The following BAIAP2L1 variants were observed in gnomAD, a reference collection of about 807,000 sequenced individuals.
BAIAP2L1 encodes BAR/IMD domain containing adaptor protein 2 like 1.
In BAIAP2L1, 35 loss-of-function variants were observed where a neutral mutation model predicts 66.3. The ratio of observed to expected loss-of-function variants is 0.53; its 90% CI spans 0.40 to 0.70. The LOEUF is 0.70. Ranked by LOEUF, BAIAP2L1 falls within the 30% of genes least tolerant of loss-of-function variation. The pLI is 0.00. For missense variants in BAIAP2L1, 622 were observed against 656.9 expected, an observed-to-expected ratio of 0.95 and a Z score of 0.58; for synonymous variants, 269 against 248.7, an observed-to-expected ratio of 1.08 and a Z score of -0.77.
At chr7:98,384,156 G>GAAAAA in intron 1 of BAIAP2L1, among the ~76,000 whole-genome samples, 1 of 112,412 alleles carries the variant, frequency 8.9e-6, no homozygotes, top group Non-Finnish European at 1.7e-5. Flanking sequence ...CTCCGTCTCA[G>GAAAAA]AAAAAAAAAA....
intron 1 of BAIAP2L1, chr7:98,386,582 C>G: frequency 2.5e-6 from 4 of 1,596,584 alleles, no homozygotes; most frequent in Non-Finnish European, 3.4e-6. Flanking sequence ...TGCCAACCGC[C>G]ATGGTGCTGG....
intron 5 of BAIAP2L1, among the ~76,000 whole-genome samples, chr7:98,317,835 G>A (rs139391483): frequency 2.5e-4 from 36 of 143,696 alleles, no homozygotes; most frequent in African/African-American, 8.9e-4. Flanking sequence ...CTGTCACCCC[G>A]TAGTTCACAC....
chr7:98,359,273 CTTT>C (rs998408583), intron 2 of BAIAP2L1, among the ~76,000 whole-genome samples: 52 of 139,240 alleles, frequency 3.7e-4, no homozygotes, highest in African/African-American at 1.0e-3. Flanking sequence ...TACTTGCTGT[CTTT>C]TTTTTTTTTT....
At chr7:98,396,650 C>G (rs1262375137) in intron 1 of BAIAP2L1, among the ~76,000 whole-genome samples, 1 of 152,036 alleles carries the variant, frequency 6.6e-6, no homozygotes, top group Non-Finnish European at 1.5e-5. Context: ...CAAAAATTTG[C>G]CAGGCGTGGC....
Position 98,292,354 on chromosome 7 carries a change from G to A in BAIAP2L1, c.*1167C>T, listed in dbSNP as rs774718820. 26 of 385,996 alleles carry A rather than the reference G, an allele frequency of 6.7e-5. No homozygotes were observed. Among genetic ancestry groups the A allele is most frequent in the South Asian group, 4.4e-4 (14 of 32,166 alleles). The allele number at this position is 385,996 out of a possible 1,614,324, so 23.9% of individuals were successfully genotyped here. ...CTCCTGCCTCAGCCTCCTGAGTGGC[G>A]CCCACCACCACACCTGTCTAATTTT... On this transcript the variant is annotated 3_prime_UTR_variant, in exon 14 of 14. Coordinates refer to ENST00000005260, the MANE Select transcript of BAIAP2L1 (RefSeq NM_018842.5).
chr7:98,298,751 G>T (rs1441384766), intron 12 of BAIAP2L1, among the ~76,000 whole-genome samples: 1 of 152,186 alleles, frequency 6.6e-6, no homozygotes, highest in Non-Finnish European at 1.5e-5. Flanking sequence ...GTTATTAATC[G>T]AGGTGGACAT....
chr7:98,329,754 AG>A (rs1801451554), intron 3 of BAIAP2L1, among the ~76,000 whole-genome samples: 1 of 151,556 alleles, frequency 6.6e-6, no homozygotes, highest in African/African-American at 2.4e-5. Flanking sequence ...AAGGCATCCC[AG>A]GAACTCTGGC....
chr7:98,316,022 C>A (rs1023114932), intron 6 of BAIAP2L1, among the ~76,000 whole-genome samples: 1 of 152,162 alleles, frequency 6.6e-6, no homozygotes, highest in African/African-American at 2.4e-5. Context: ...TTGTAGCTCC[C>A]GTAATTCCTA....
intron 1 of BAIAP2L1, among the ~76,000 whole-genome samples, chr7:98,372,733 G>GTTTTTTTTTTTTTTTTTTTTTTTTTT (rs34330041): frequency 1.1e-5 from 1 of 93,766 alleles, no homozygotes. Flanking sequence ...ATCGATTTTG[G>GTTTTTTTTTTTTTTTTTTTTTTTTTT]TTTTTTTTTT....
intron 3 of BAIAP2L1, among the ~76,000 whole-genome samples, chr7:98,322,594 G>T (rs1008475924): frequency 6.6e-6 from 1 of 152,164 alleles, no homozygotes; most frequent in Non-Finnish European, 1.5e-5. Context: ...GGGGCATGGC[G>T]TGTGAAGTCA....
intron 3 of BAIAP2L1, among the ~76,000 whole-genome samples, chr7:98,352,381 C>T (rs1802018613): frequency 6.6e-6 from 1 of 152,184 alleles, no homozygotes; most frequent in African/African-American, 2.4e-5. Context: ...GTGGCACACA[C>T]CTGTAATCCT....
intron 9 of BAIAP2L1, chr7:98,308,210 C>T: frequency 1.9e-6 from 1 of 538,630 alleles, no homozygotes; most frequent in Non-Finnish European, 3.6e-6. Context: ...GCCAGGATGG[C>T]TCTTCTTAGA....
In BAIAP2L1 at chr7:98,292,057, G is replaced by C. The variant is rs777718827; in HGVS notation, c.*1464C>G. On this transcript the variant is annotated 3_prime_UTR_variant, in exon 14 of 14. Coordinates refer to ENST00000005260, the MANE Select transcript of BAIAP2L1 (RefSeq NM_018842.5). ...GGTGCCTGCAGCCCCTTCATGGTGG[G>C]GGTGCCTGGTTTGTCCTCCCAGGAG... The C allele has an allele frequency of 2.6e-5, 4 of 153,580 alleles. No individual in the cohort carries two copies. Among genetic ancestry groups the C allele is most frequent in the Non-Finnish European group, 5.8e-5 (4 of 69,032 alleles). The allele number at this position is 153,580 out of a possible 1,614,324, so 9.5% of individuals were successfully genotyped here. A position where few individuals can be genotyped will look rare whatever the true frequency, so the allele number is the denominator to read the frequency against.
intron 3 of BAIAP2L1, among the ~76,000 whole-genome samples, chr7:98,351,008 C>T (rs148673575): frequency 0.018 from 2,668 of 152,164 alleles, 32 homozygotes; most frequent in Non-Finnish European, 0.028. Context: ...AGGCATGCGC[C>T]ACCATGCCTG....
At chr7:98,361,468 G>A (rs1480089111) in intron 2 of BAIAP2L1, among the ~76,000 whole-genome samples, 1 of 152,132 alleles carries the variant, frequency 6.6e-6, no homozygotes, top group Non-Finnish European at 1.5e-5. Flanking sequence ...GTTACTTGGT[G>A]ACAAAAGTAG....
intron 3 of BAIAP2L1, among the ~76,000 whole-genome samples, chr7:98,327,356 GTAAATAAA>G (rs57971788): frequency 4.5e-4 from 64 of 142,406 alleles, no homozygotes; most frequent in Admixed American, 7.1e-4. Context: ...GCAAGACCTT[GTAAATAAA>G]TAAATAAATA....
intron 9 of BAIAP2L1, 41 bp downstream of exon 9, chr7:98,310,404 T>G: frequency 1.1e-5 from 17 of 1,555,240 alleles, no homozygotes; most frequent in Non-Finnish European, 1.5e-5. Context: ...TTAAAACAAA[T>G]GTAAAAGGTA....
Position 98,293,423 on chromosome 7 carries a change from A to G in BAIAP2L1, c.*98T>C, listed in dbSNP as rs533721569. On this transcript the variant is annotated 3_prime_UTR_variant, in exon 14 of 14. Coordinates refer to ENST00000005260, the MANE Select transcript of BAIAP2L1 (RefSeq NM_018842.5). ...GGCGACATTAGAGTTAGGCCTCTCCACTGAAGCTTCCCGACCGTCAGCACG... is the reference window on the plus strand; with the variant it reads ...GGCGACATTAGAGTTAGGCCTCTCCGCTGAAGCTTCCCGACCGTCAGCACG... 1.7e-6 allele frequency: 2 copies of G among 1,154,418 alleles called. No homozygotes were observed. The highest frequency in any genetic ancestry group is 3.0e-5 in the African/African-American group (2 of 67,258). 71.5% of individuals were successfully genotyped at this position (1,154,418 alleles called of 1,614,324 possible).
chr7:98,301,607 G>A (rs1382630799), intron 12 of BAIAP2L1, among the ~76,000 whole-genome samples: 5 of 152,012 alleles, frequency 3.3e-5, no homozygotes. Context: ...GTGAGCCACC[G>A]TGCCCGGCCA....
Sources: allele counts gnomAD v4.1 joint callset (sites outside exome capture counted in the v4.1 genomes callset), GRCh38; gene constraint gnomAD v4.1.1; transcripts MANE v1.5; gene names NCBI Gene and HGNC (gene_info 2026-07-23, HGNC 2026-07-21).